The following ECEL1 variants were observed in gnomAD, a reference collection of about 807,000 sequenced individuals.
ECEL1 encodes endothelin-converting enzyme-like 1.
ECEL1 carries 87 observed loss-of-function variants against 101.8 expected under a neutral mutation model. The ratio of observed to expected loss-of-function variants is 0.85; its 90% CI spans 0.72 to 1.02. ECEL1 has a LOEUF of 1.02. ECEL1 is among the 50% of genes least tolerant of loss of function. The probability of loss-of-function intolerance (pLI) is 0.00; values close to 1 mark genes in which losing one functional copy is unlikely to be tolerated. For synonymous variants in ECEL1, 487 were observed against 468.7 expected, an observed-to-expected ratio of 1.04 and a Z score of -0.50; for missense variants, 1,032 against 1,079.2, an observed-to-expected ratio of 0.96 and a Z score of 0.61.
Position 232,486,480 on chromosome 2 carries a change from G to C in ECEL1, c.174C>G (p.Arg58=). ...CCAGCCCCGACAGCAGGCACACCTC[G>C]CGCCGGTTCCAGCGCGGCAGCCCGG... ...ARSGLPRWNR[R]EVCLLSGLVF... Residue 58 remains arginine, a synonymous_variant, in exon 2 of 18, where the codon CGC becomes CGG. Transcript: ENST00000304546. The C allele has an allele frequency of 7.0e-7, 1 of 1,425,156 alleles. No homozygotes were observed. The highest frequency in any genetic ancestry group is 9.1e-7 in the Non-Finnish European group (1 of 1,100,094). 88.3% of individuals were successfully genotyped at this position (1,425,156 alleles called of 1,614,324 possible). A position where few individuals can be genotyped will look rare whatever the true frequency, so the allele number is the denominator to read the frequency against.
In ECEL1 at chr2:232,486,422, C is replaced by T. The variant is rs761220144; in HGVS notation, c.232G>A (p.Ala78Thr). ...FAAGLCAILA[A>T]MLALKYLGPV... ...CCCAGGTACTTGAGGGCCAGCATAG[C>T]CGCCAGAATGGCGCAGAGGCCGGCG... is the stretch of plus-strand genomic sequence containing the variant. Residue 78 changes from alanine (A) to threonine (T), a missense_variant, in exon 2 of 18, where the codon GCT becomes ACT. By Grantham distance (58) the Ala-to-Thr change is moderately conservative. Coordinates refer to ENST00000304546, the MANE Select transcript of ECEL1 (RefSeq NM_004826.4). 1.6e-5 allele frequency: 23 copies of T among 1,461,362 alleles called. No homozygotes were observed. The highest frequency in any genetic ancestry group is 2.7e-6 in the Non-Finnish European group (3 of 1,119,660). 90.5% of individuals were successfully genotyped at this position (1,461,362 alleles called of 1,614,324 possible).
chr2:232,480,848 G>A lies in ECEL1; in HGVS notation c.2056-35C>T, dbSNP rs781083416. 2.0e-5 allele frequency: 32 copies of A among 1,574,902 alleles called. 1 individual carries two copies. Among genetic ancestry groups the A allele is most frequent in the Middle Eastern group, 1.7e-4 (1 of 6,018 alleles). On this transcript the variant is annotated intron_variant, in intron 15 of 17. Transcript: ENST00000304546. ...CAGAGAGCATGGACCTGCTATGCCC[G>A]CCCACCCTGGGCACCGCTTCTTCTC...
rs558880443 is a variant in ECEL1 at position 232,486,150 on chromosome 2, G to A, written c.504C>T (p.Pro168=). The A allele has an allele frequency of 1.3e-4, 201 of 1,567,598 alleles. 1 individual carries two copies. In the African/African-American group the frequency reaches 2.3e-3, roughly 18 times the overall value. Residue 168 remains proline, a synonymous_variant, in exon 2 of 18, where the codon CCC becomes CCT. Transcript: ENST00000304546. ...EERLRRLLAR[P]GGGPGGAAQR... ...GGGCCGCGCCGCCAGGCCCACCCCC[G>A]GGCCGCGCCAGCAGGCGCCGTAGGC...
chr2:232,483,234 C>A (rs1575076642), intron 8 of ECEL1, 55 bp from the exon 9 acceptor site: 4 of 1,475,050 alleles, frequency 2.7e-6, no homozygotes, highest in Non-Finnish European at 3.7e-6. Context: ...CAGCCCCCCG[C>A]CCCCCACCCT....
chr2:232,483,391 C>A, intron 8 of ECEL1, 25 bp downstream of exon 8: 6 of 1,589,118 alleles, frequency 3.8e-6, no homozygotes, highest in Non-Finnish European at 5.1e-6. Flanking sequence ...ATGGGACCAA[C>A]CAATGACACT....
At chr2:232,480,562 T>C in intron 16 of ECEL1, 87 bp from the exon 17 acceptor site, 1 of 1,552,368 alleles carries the variant, frequency 6.4e-7, no homozygotes, top group Non-Finnish European at 8.8e-7. Context: ...CACAAGGCGG[T>C]AGGCCCCCTC....
Position 232,484,865 on chromosome 2 carries a change from C to T in ECEL1, c.995G>A (p.Arg332Gln), listed in dbSNP as rs1056230726. Residue 332 changes from arginine (R) to glutamine (Q), a missense_variant, in exon 5 of 18, where the codon CGG becomes CAG. By Grantham distance (43) the Arg-to-Gln change is conservative. Transcript: ENST00000304546. ...NITVSEHDDL[R>Q]RDVSSMYNKV... ...GTTGTACATGGAGCTGACATCTCGC[C>T]GTAGGTCGTCATGCTCTGACACAGT... 2 of 1,613,872 alleles carry T rather than the reference C, an allele frequency of 1.2e-6. No individual in the cohort carries two copies. The highest frequency in any genetic ancestry group is 1.3e-5 in the African/African-American group (1 of 75,034).
chr2:232,480,893 C>G, intron 15 of ECEL1, 80 bp from the exon 16 acceptor site: 1 of 1,434,514 alleles, frequency 7.0e-7, no homozygotes, highest in South Asian at 1.3e-5. Flanking sequence ...TCTAGGTAGC[C>G]CTCCCTGCTC....
chr2:232,482,074 T>G (rs2106183206), intron 12 of ECEL1, among the ~76,000 whole-genome samples: 1 of 152,332 alleles, frequency 6.6e-6, no homozygotes, highest in South Asian at 2.1e-4. Flanking sequence ...CTAACAGAGC[T>G]GGCTGGGCAG....
chr2:232,485,036 T>G lies in ECEL1; in HGVS notation c.911A>C (p.Asp304Ala), dbSNP rs374538465. Residue 304 changes from aspartate to alanine, a missense_variant, in exon 4 of 18, where the codon GAC becomes GCC. By Grantham distance (126) the Asp-to-Ala change is moderately radical. Transcript: ENST00000304546. Reference protein sequence around the residue: ...MERVLSLLGADAVEQKAQEIL... With the variant: ...MERVLSLLGAAAVEQKAQEIL... ...CTCTTGGGCCTTCTGTTCCACAGCG[T>G]CTGCACCCAGGAGGCTGAGCACTCG... The G allele has an allele frequency of 2.5e-6, 4 of 1,612,828 alleles. No individual in the cohort carries two copies. Among genetic ancestry groups the G allele is most frequent in the Non-Finnish European group, 3.4e-6 (4 of 1,179,992 alleles).
Position 232,480,017 on chromosome 2 carries a change from G to T in ECEL1, c.*136C>A. The T allele has an allele frequency of 1.3e-6, 1 of 786,738 alleles. No homozygotes were observed. The highest frequency in any genetic ancestry group is 2.1e-6 in the Non-Finnish European group (1 of 484,520). The allele number at this position is 786,738 out of a possible 1,614,324, so 48.7% of individuals were successfully genotyped here. On this transcript the variant is annotated 3_prime_UTR_variant, in exon 18 of 18. Transcript: ENST00000304546. ...CCCCTCCTGAAGTGAGGGGCAGCAG[G>T]GGGACCGGGTCCTGGAGGGGCTGGA...
At chr2:232,482,511 G>C (rs373683014) in intron 11 of ECEL1, 39 bp downstream of exon 11, 4 of 1,613,992 alleles carry the variant, frequency 2.5e-6, no homozygotes, top group Non-Finnish European at 3.4e-6. Flanking sequence ...ATCCACTTTC[G>C]GACCCTGCCC....
chr2:232,486,124 TGGGCCGCGCCGCCAGGCCCACCCCC>T lies in ECEL1; in HGVS notation c.505_529del (p.Gly169SerfsTer26), dbSNP rs767987856. ...GCGGAAGAAGGCGCGCACCTTGCGCTGGGCCGCGCCGCCAGGCCCACCCCCGGGCCGCGCCAGCAGGCGCCGTAGG... is the reference window on the plus strand; with the variant it reads ...GCGGAAGAAGGCGCGCACCTTGCGCTGGGCCGCGCCAGCAGGCGCCGTAGG... On this transcript the variant is annotated frameshift_variant, in exon 2 of 18. Transcript: ENST00000304546. LOFTEE classifies it high-confidence loss of function. 2.5e-6 allele frequency: 4 copies of T among 1,570,064 alleles called. No individual in the cohort carries two copies. Among genetic ancestry groups the T allele is most frequent in the Non-Finnish European group, 3.4e-6 (4 of 1,161,388 alleles).
intron 2 of ECEL1, 120 bp downstream of exon 2, chr2:232,485,748 T>C (rs1690703151): frequency 3.0e-6 from 4 of 1,315,566 alleles, no homozygotes; most frequent in Admixed American, 4.4e-5. Context: ...TCCCCTCTCC[T>C]GCTCGTCTCT....
chr2:232,482,971 C>T lies in ECEL1; in HGVS notation c.1582-17G>A, dbSNP rs374731576. ...GACCTCAAACTGCAGGAGGCACGGG[C>T]GACACTCAGCGGCAGGCCAGGGCAG... On this transcript the variant is annotated splice_polypyrimidine_tract_variant and intron_variant, in intron 9 of 17. Coordinates refer to ENST00000304546, the MANE Select transcript of ECEL1 (RefSeq NM_004826.4). 70 of 1,613,768 alleles carry T rather than the reference C, an allele frequency of 4.3e-5. No homozygotes were observed. Among genetic ancestry groups the T allele is most frequent in the Non-Finnish European group, 5.7e-5 (67 of 1,179,898 alleles).
rs1006422088 is a variant in ECEL1 at position 232,486,387 on chromosome 2, C to T, written c.267G>A (p.Ala89=). 1.4e-6 allele frequency: 2 copies of T among 1,481,348 alleles called. No individual in the cohort carries two copies. Among genetic ancestry groups the T allele is most frequent in the Admixed American group, 2.4e-5 (1 of 40,982 alleles). 91.8% of individuals were successfully genotyped at this position (1,481,348 alleles called of 1,614,324 possible). Residue 89 remains alanine, a synonymous_variant, in exon 2 of 18, where the codon GCG becomes GCA. Coordinates refer to ENST00000304546, the MANE Select transcript of ECEL1 (RefSeq NM_004826.4). ...CCTCGGGACAGGCGCCGCCGCCGGC[C>T]GCGACCGGGCCCAGGTACTTGAGGG... ...MLALKYLGPV[A]AGGGACPEGC... is the part of the protein sequence containing the mutation.
chr2:232,481,892 C>CT (rs1350911026), intron 12 of ECEL1, 43 bp from the exon 13 acceptor site: 2 of 1,611,250 alleles, frequency 1.2e-6, no homozygotes, highest in Non-Finnish European at 1.7e-6. Context: ...CCTCCACCCT[C>CT]TGAGAGCCCC....
Position 232,483,391 on chromosome 2 carries a change from C to T in ECEL1, c.1506+25G>A, listed in dbSNP as rs371229056. The stretch of plus-strand genomic sequence containing the variant: ...AGGTGCTCAATATATATGGGACCAA[C>T]CAATGACACTGGGTCCCCCCTCACC... On this transcript the variant is annotated intron_variant, in intron 8 of 17. Transcript: ENST00000304546. 6 of 1,589,000 alleles carry T rather than the reference C, an allele frequency of 3.8e-6. No homozygotes were observed. In the African/African-American group the frequency reaches 8.1e-5, roughly 21 times the overall value.
At chr2:232,480,280 T>C in intron 17 of ECEL1, 28 bp from the exon 18 acceptor site, 1 of 1,612,550 alleles carries the variant, frequency 6.2e-7, no homozygotes, top group Non-Finnish European at 8.5e-7. Flanking sequence ...CCACACAGTG[T>C]TGGGCCCTGC....
Sources: gnomAD v4.1 joint callset for allele counts (sites outside exome capture counted in the v4.1 genomes callset) on GRCh38, gnomAD v4.1.1 for gene constraint, MANE v1.5 for transcripts, NCBI Gene and HGNC (gene_info 2026-07-23, HGNC 2026-07-21) for gene names.